The following ZNF219 variants were observed in gnomAD, a reference collection of about 807,000 sequenced individuals.
ZNF219 encodes the protein zinc finger protein 219.
In ZNF219, 17 loss-of-function variants were observed where a neutral mutation model predicts 54.4. The observed-to-expected ratio is 0.31, with a 90% CI of 0.21 to 0.47. The LOEUF is 0.47. Among genes scored for constraint, ZNF219 ranks in the 20% least tolerant of loss-of-function variants. The probability of loss-of-function intolerance (pLI) is 1.00; values close to 1 mark genes in which losing one functional copy is unlikely to be tolerated. For missense variants in ZNF219, 1,014 were observed against 1,062.3 expected (o/e 0.95, Z 0.63); for synonymous variants, 518 against 476.4 (o/e 1.09, Z -1.14).
At position 21,092,123 on chromosome 14, in the gene ZNF219, T is replaced by C. The variant is rs1314664736; in HGVS notation, c.1174A>G (p.Asn392Asp). 1 of 1,519,054 alleles carries C rather than the reference T, an allele frequency of 6.6e-7. No individual in the cohort carries two copies. The highest frequency in any genetic ancestry group is 8.8e-7 in the Non-Finnish European group (1 of 1,135,728). The allele number at this position is 1,519,054 out of a possible 1,614,324, so 94.1% of individuals were successfully genotyped here. The stretch of plus-strand genomic sequence containing the variant: ...GGACCGGGCTCAGCACCCTCGCCGT[T>C]GGGCCGGCCCTCGCCAGCTCGCAGG... ...LSLRAGEGRP[N>D]GEGAEPGPGR... is the part of the protein sequence containing the mutation. The change falls in exon 3 of 5, where the codon AAC becomes GAC. Residue 392 changes from asparagine (N) to aspartate (D), a missense_variant. By Grantham distance (23) the Asn-to-Asp change is conservative. Around this residue, in one of 5 missense-constraint regions of ZNF219, gnomAD observed 272 missense variants for 248.9 expected, o/e 1.09. Transcript: ENST00000360947.
rs1208571194 is a variant in ZNF219, at chr14:21,091,936, G to A, written c.1361C>T (p.Pro454Leu). 2.5e-6 allele frequency: 4 copies of A among 1,604,064 alleles called. No homozygotes were observed. The Admixed American group carries it at 5.1e-5, about 21-fold the overall frequency. Residue 454 changes from proline (P) to leucine (L), a missense_variant, in exon 3 of 5, where the codon CCG becomes CTG. Physicochemically the swap from Pro to Leu is moderately conservative, Grantham distance 98. Transcript: ENST00000360947. ...GTGCCCCGGTCCCTCACCCGGGCGC[G>A]GGTGCAGGGAAGCCAGAGAGCCCAG... ...RSLGSLASLH[P>L]RPGEGPGHSA... is the part of the protein sequence containing the mutation.
At chr14:21,102,423 T>G (rs554406900), upstream of ZNF219, 122 of 1,551,596 alleles carry the variant, frequency 7.9e-5, no homozygotes, top group Non-Finnish European at 1.0e-4. Flanking sequence ...CATGATGATA[T>G]TCAACACCTT....
chr14:21,098,853 C>T, upstream of ZNF219: 2 of 1,287,370 alleles, frequency 1.6e-6, no homozygotes. Context: ...CCCCAACATG[C>T]ACAGACTCGG....
At chr14:21,095,897 TAC>T (rs1490221155) in intron 1 of ZNF219, among the ~76,000 whole-genome samples, 1 of 152,214 alleles carries the variant, frequency 6.6e-6, no homozygotes, top group Non-Finnish European at 1.5e-5. Context: ...TCCTGACAGT[TAC>T]AGTTTGTACA....
At position 21,093,157 on chromosome 14, in the gene ZNF219, C is replaced by G. The variant is rs1889071539; in HGVS notation, c.140G>C (p.Trp47Ser). ...CCGTTCGCCTGCACGACTCTCAGAC[C>G]AGCTCACCGCTCCCATCCCGAGCGA... ...AGSLGMGAVSWSESRAGERRF... is the reference protein window; with the variant it reads ...AGSLGMGAVSSSESRAGERRF... The change falls in exon 3 of 5, where the codon TGG becomes TCG. Residue 47 changes from tryptophan to serine, a missense_variant. Trp to Ser is a radical substitution (Grantham distance 177). Coordinates refer to ENST00000360947, the MANE Select transcript of ZNF219 (RefSeq NM_016423.3). The G allele has an allele frequency of 1.2e-6, 2 of 1,610,434 alleles. No homozygotes were observed. Among genetic ancestry groups the G allele is most frequent in the Non-Finnish European group, 1.7e-6 (2 of 1,179,382 alleles).
At chr14:21,098,129 C>A (rs1379389229) in intron 1 of ZNF219, among the ~76,000 whole-genome samples, 183 bp downstream of exon 1, 1 of 150,342 alleles carries the variant, frequency 6.7e-6, no homozygotes, top group Non-Finnish European at 1.5e-5. Flanking sequence ...CCCCGCCCCC[C>A]CAGGAGCTCT....
At chr14:21,101,259 T>C, upstream of ZNF219, 4 of 1,263,346 alleles carry the variant, frequency 3.2e-6, no homozygotes, top group Admixed American at 8.2e-5. Flanking sequence ...GATACGTTGT[T>C]GCATGTCCTG....
At chr14:21,101,696 A>G (rs560604383), upstream of ZNF219, 1 of 669,584 alleles carries the variant, frequency 1.5e-6, no homozygotes, top group Admixed American at 2.9e-5. Flanking sequence ...TATGAGGCAG[A>G]AAAAATTAAA....
In ZNF219 at chr14:21,092,153, G is replaced by A. The variant is rs1279398137; in HGVS notation, c.1144C>T (p.Leu382=). 1 of 1,476,082 alleles carries A rather than the reference G, an allele frequency of 6.8e-7. No individual in the cohort carries two copies. Among genetic ancestry groups the A allele is most frequent in the South Asian group, 1.3e-5 (1 of 74,104 alleles). The allele number at this position is 1,476,082 out of a possible 1,614,324, so 91.4% of individuals were successfully genotyped here. A position where few individuals can be genotyped will look rare whatever the true frequency, so the allele number is the denominator to read the frequency against. ...RREPPSLLGY[L]SLRAGEGRPN... ...CGGCCCTCGCCAGCTCGCAGGCTCA[G>A]GTAGCCCAAGAGGCTCGGGGGCTCA... Residue 382 remains leucine, a synonymous_variant, in exon 3 of 5, where the codon CTG becomes TTG. Coordinates refer to ENST00000360947, the MANE Select transcript of ZNF219 (RefSeq NM_016423.3).
At position 21,090,631 on chromosome 14, in the gene ZNF219, A is replaced by G; in HGVS notation, c.2074T>C (p.Ser692Pro). The change falls in exon 5 of 5, where the codon TCA becomes CCA. Residue 692 changes from serine (S) to proline (P), a missense_variant. Transcript: ENST00000360947. The surrounding 1 kb of genome is among the most constrained non-coding windows in gnomAD (Gnocchi z 4.4). ...GAAGGACTGGGAGGGGTCTCTCCTG[A>G]TGGTACTCGGGCATAGGGCGGGGAC... The part of the protein sequence containing the change: ...DASPPYARVP[S>P]GETPPSPSQE... 1 of 1,612,380 alleles carries G rather than the reference A, an allele frequency of 6.2e-7. No individual in the cohort carries two copies. Among genetic ancestry groups the G allele is most frequent in the Non-Finnish European group, 8.5e-7 (1 of 1,179,742 alleles).
upstream of ZNF219, chr14:21,103,402 A>G: frequency 7.5e-7 from 1 of 1,330,904 alleles, no homozygotes; most frequent in Non-Finnish European, 1.0e-6. Context: ...CTGTTAGGGG[A>G]AGATACACCT....
upstream of ZNF219, among the ~76,000 whole-genome samples, chr14:21,100,462 G>C (rs1162514850): frequency 1.3e-5 from 2 of 152,004 alleles, no homozygotes; most frequent in Non-Finnish European, 2.9e-5. Context: ...TGGCTATGAG[G>C]CACCTTCTCT....
At chr14:21,093,408 G>C in intron 2 of ZNF219, 118 bp from the exon 3 acceptor site, 1 of 1,468,004 alleles carries the variant, frequency 6.8e-7, no homozygotes, top group Non-Finnish European at 9.2e-7. Context: ...GCCTGAACTA[G>C]GAACACAGGG....
At chr14:21,100,369 T>TATA (rs3061999), upstream of ZNF219, among the ~76,000 whole-genome samples, 21,962 of 149,264 alleles carry the variant, frequency 0.15, 1,869 homozygotes, top group Middle Eastern at 0.26. Context: ...GTCTCAATAA[T>TATA]ATAATAATAA....
Position 21,092,614 on chromosome 14 carries a change from G to T in ZNF219, c.683C>A (p.Pro228His). 6.4e-7 allele frequency: 1 copy of T among 1,552,550 alleles called. No individual in the cohort carries two copies. ...PLAATSAAPP[P>H]QPQPQPPPQP... is the part of the protein sequence containing the mutation. ...GGGTGGAGGCTGAGGCTGAGGCTGAGGCGGAGGCGCAGCGGAGGTGGCCGC... is the reference window on the plus strand; with the variant it reads ...GGGTGGAGGCTGAGGCTGAGGCTGATGCGGAGGCGCAGCGGAGGTGGCCGC... Residue 228 changes from proline (P) to histidine (H), a missense_variant, in exon 3 of 5, where the codon CCT becomes CAT. This residue lies in a region of ZNF219 where 395 missense variants were observed against 415.1 expected (regional missense o/e 0.95). Transcript: ENST00000360947.
At chr14:21,101,347 G>A, upstream of ZNF219, 1 of 1,551,596 alleles carries the variant, frequency 6.4e-7, no homozygotes, top group Non-Finnish European at 8.7e-7. Context: ...AGGAGCCATG[G>A]AAGATAGAGC....
In ZNF219 at chr14:21,093,081, A is replaced by G; in HGVS notation, c.216T>C (p.Leu72=). 6.2e-7 allele frequency: 1 copy of G among 1,604,750 alleles called. No individual in the cohort carries two copies. Among genetic ancestry groups the G allele is most frequent in the Non-Finnish European group, 8.5e-7 (1 of 1,176,766 alleles). ...CGKRFRFNSI[L]ALHLRAHPGA... Reference sequence around the variant, plus strand: ...CTGGGTGCGCCCGCAGGTGCAAAGCAAGGATAGAGTTGAAGCGGAAGCGCT... The same window carrying G: ...CTGGGTGCGCCCGCAGGTGCAAAGCGAGGATAGAGTTGAAGCGGAAGCGCT... The change falls in exon 3 of 5, where the codon CTT becomes CTC. Residue 72 remains leucine, a synonymous_variant. Transcript: ENST00000360947.
intron 1 of ZNF219, among the ~76,000 whole-genome samples, chr14:21,097,174 C>T (rs1478225124): frequency 6.6e-6 from 1 of 152,214 alleles, no homozygotes; most frequent in African/African-American, 2.4e-5. Context: ...CTCCTCCTAA[C>T]CCGCTCCACT....
At chr14:21,098,820 A>AGTT, upstream of ZNF219, 1 of 1,288,082 alleles carries the variant, frequency 7.8e-7, no homozygotes, top group Non-Finnish European at 1.0e-6. Context: ...CCAGGGAAGG[A>AGTT]GTTGGCTCTG....
Sources: allele counts gnomAD v4.1 joint callset (sites outside exome capture counted in the v4.1 genomes callset), GRCh38; gene constraint gnomAD v4.1.1; regional missense constraint gnomAD v4.1.1; non-coding constraint Gnocchi (gnomAD v3.1); transcripts MANE v1.5; gene names NCBI Gene and HGNC (gene_info 2026-07-23, HGNC 2026-07-21).